CPAMD8: variants seen among roughly 807,000 people sequenced by gnomAD.
CPAMD8 encodes C3 and PZP like alpha-2-macroglobulin domain containing 8, also known as C3 and PZP-like alpha-2-macroglobulin domain-containing protein 8.
A neutral mutation model predicts 224.7 loss-of-function variants in CPAMD8; 146 were observed. That is an observed-to-expected ratio of 0.65 (90% CI 0.57 to 0.75). The LOEUF (loss-of-function observed/expected upper bound fraction) is 0.75. Among genes scored for constraint, CPAMD8 ranks in the 30% least tolerant of loss-of-function variants. The pLI, the probability that CPAMD8 is intolerant of heterozygous loss-of-function variation, is 0.00. For synonymous variants in CPAMD8, 966 were observed against 1,044.6 expected (o/e 0.92, Z 1.45); for missense variants, 2,301 against 2,537.5 (o/e 0.91, Z 2.00).
Position 16,938,413 on chromosome 19 carries a change from C to T in CPAMD8, c.2827G>A (p.Ala943Thr), listed in dbSNP as rs201232005. The T allele has an allele frequency of 7.6e-5, 120 of 1,571,104 alleles. No homozygotes were observed. The highest frequency in any genetic ancestry group is 3.7e-4 in the Admixed American group (19 of 51,820). ...GACTCACCACTGGGACAGAAGAATG[C>T]GCTGTAGGTGTACGCCCGGGGGACT... ...EGVPRAYTYSAFFCPSERVHI... is the reference protein window; with the variant it reads ...EGVPRAYTYSTFFCPSERVHI... The change falls in exon 23 of 42, where the codon GCA becomes ACA. Residue 943 changes from alanine to threonine, a missense_variant. By Grantham distance (58) the Ala-to-Thr change is moderately conservative. Transcript: ENST00000443236.
intron 34 of CPAMD8, 45 bp downstream of exon 34, chr19:16,903,516 C>T (rs2052343932): frequency 1.2e-6 from 2 of 1,612,396 alleles, no homozygotes; most frequent in African/African-American, 1.3e-5. Context: ...GAATGGGGCA[C>T]AGGAGGACAA....
Position 16,996,732 on chromosome 19 carries a change from T to C in CPAMD8, c.1095+379A>G, listed in dbSNP as rs551926305. Among the ~76,000 whole-genome samples the C allele has an allele frequency of 1.3e-4, 19 of 146,840 alleles. No homozygotes were observed. In the South Asian group the frequency reaches 3.8e-3, roughly 29 times the overall value. On this transcript the variant is annotated intron_variant, in intron 11 of 41. Coordinates refer to ENST00000443236, the MANE Select transcript of CPAMD8 (RefSeq NM_015692.5). ...TACTTGGGAGGCTGAGGCAGGAGAA[T>C]CACTTGAACCTGGGAGACGGAGGTT...
Position 16,938,383 on chromosome 19 carries a change from C to A in CPAMD8, c.2845+12G>T, listed in dbSNP as rs367985156. The stretch of plus-strand genomic sequence containing the variant: ...TGGCCACACCTTAGCAGAATGGGCA[C>A]GGGGGACTCACCACTGGGACAGAAG... On this transcript the variant is annotated intron_variant, in intron 23 of 41. Transcript: ENST00000443236. The A allele has an allele frequency of 3.3e-6, 5 of 1,523,000 alleles. No individual in the cohort carries two copies. The highest frequency in any genetic ancestry group is 3.4e-4 in the Middle Eastern group (2 of 5,846). 94.3% of individuals were successfully genotyped at this position (1,523,000 alleles called of 1,614,324 possible). A position where few individuals can be genotyped will look rare whatever the true frequency, so the allele number is the denominator to read the frequency against.
intron 26 of CPAMD8, among the ~76,000 whole-genome samples, chr19:16,924,733 A>G (rs965694323): frequency 6.6e-6 from 1 of 152,088 alleles, no homozygotes; most frequent in African/African-American, 2.4e-5. Flanking sequence ...GGGGTGTGCC[A>G]CCATGTCTGG....
At chr19:16,917,881 T>C (rs993574006) in intron 27 of CPAMD8, among the ~76,000 whole-genome samples, 2 of 152,216 alleles carry the variant, frequency 1.3e-5, no homozygotes, top group African/African-American at 4.8e-5. Flanking sequence ...TTGGTATCTG[T>C]AGGGGACTGG....
chr19:17,024,054 G>A (rs1168763520), intron 1 of CPAMD8, among the ~76,000 whole-genome samples: 1 of 152,184 alleles, frequency 6.6e-6, no homozygotes, highest in Non-Finnish European at 1.5e-5. Context: ...TGCATGCTTA[G>A]ATTAGGCAAA....
At chr19:16,980,088 G>A (rs768941326) in intron 14 of CPAMD8, among the ~76,000 whole-genome samples, 2 of 152,130 alleles carry the variant, frequency 1.3e-5, no homozygotes, top group Non-Finnish European at 2.9e-5. Flanking sequence ...GTATTGAGAA[G>A]AAGAGCTTTG....
At chr19:17,011,022 C>T (rs2056630313) in intron 5 of CPAMD8, among the ~76,000 whole-genome samples, 1 of 141,186 alleles carries the variant, frequency 7.1e-6, no homozygotes, top group Admixed American at 7.1e-5. Flanking sequence ...GACTCCATCT[C>T]AAAAAAAAAA....
In CPAMD8 at chr19:16,898,062, G is replaced by A; in HGVS notation, c.4849-68C>T. On this transcript the variant is annotated intron_variant, in intron 37 of 41. Coordinates refer to ENST00000443236, the MANE Select transcript of CPAMD8 (RefSeq NM_015692.5). This position sits in a 1 kb window ranked among gnomAD's most constrained non-coding sequence, Gnocchi z 4.2. Reference sequence around the variant, plus strand: ...GCCCGGGGCGCTGAGCTCAGGCCCAGAACTGGCTGATTTCAGGGATACCCA... The same window carrying A: ...GCCCGGGGCGCTGAGCTCAGGCCCAAAACTGGCTGATTTCAGGGATACCCA... The A allele has an allele frequency of 8.9e-7, 1 of 1,123,420 alleles. No homozygotes were observed. Among genetic ancestry groups the A allele is most frequent in the Non-Finnish European group, 1.3e-6 (1 of 781,762 alleles). 69.6% of individuals were successfully genotyped at this position (1,123,420 alleles called of 1,614,324 possible). A position where few individuals can be genotyped will look rare whatever the true frequency, so the allele number is the denominator to read the frequency against.
chr19:17,018,459 G>A (rs2056867363), intron 3 of CPAMD8, among the ~76,000 whole-genome samples: 1 of 152,158 alleles, frequency 6.6e-6, no homozygotes, highest in South Asian at 2.1e-4. Flanking sequence ...AAGACCCAGT[G>A]AGAGGCTTGG....
chr19:16,915,413 GC>G (rs2052911502), intron 27 of CPAMD8, among the ~76,000 whole-genome samples: 1 of 152,248 alleles, frequency 6.6e-6, no homozygotes, highest in East Asian at 1.9e-4. Context: ...AAAAAAACGA[GC>G]CCCAGTGCAC....
chr19:16,911,412 A>G (rs2052722891), intron 29 of CPAMD8, among the ~76,000 whole-genome samples: 1 of 149,110 alleles, frequency 6.7e-6, no homozygotes. Flanking sequence ...CCCAGGCTGG[A>G]GTGCAGTGGC....
At chr19:16,921,345 TCA>T (rs907213703) in intron 27 of CPAMD8, among the ~76,000 whole-genome samples, 16 of 151,914 alleles carry the variant, frequency 1.1e-4, no homozygotes, top group East Asian at 5.8e-4. Flanking sequence ...GGAAAGTGAC[TCA>T]CAGTCTCAGG....
At chr19:17,004,956 G>C (rs924467759) in intron 7 of CPAMD8, among the ~76,000 whole-genome samples, 2 of 150,334 alleles carry the variant, frequency 1.3e-5, no homozygotes, top group African/African-American at 2.5e-5. Flanking sequence ...GAGAGAGAGA[G>C]AGACAGACAG....
chr19:17,024,457 T>C (rs79562017), intron 1 of CPAMD8, among the ~76,000 whole-genome samples: 3,696 of 152,310 alleles, frequency 0.024, 126 homozygotes, highest in African/African-American at 0.083. Flanking sequence ...TGGCATCCTT[T>C]AAAAGGGGAA....
chr19:16,896,094 CGTCGGGGGAGGTT>C, intron 41 of CPAMD8, 69 bp downstream of exon 41: 1 of 1,399,856 alleles, frequency 7.1e-7, no homozygotes, highest in Non-Finnish European at 9.6e-7. Flanking sequence ...CGGGGCAGGT[CGTCGGGGGAGGTT>C]GGTAGGGGAG....
intron 17 of CPAMD8, among the ~76,000 whole-genome samples, chr19:16,973,778 A>G (rs1464464501): frequency 6.6e-6 from 1 of 151,114 alleles, no homozygotes; most frequent in African/African-American, 2.4e-5. Flanking sequence ...CTTTCTATCT[A>G]TATCACATCA....
At chr19:16,903,967 T>A in intron 32 of CPAMD8, 110 bp from the exon 33 acceptor site, 1 of 1,150,832 alleles carries the variant, frequency 8.7e-7, no homozygotes. Flanking sequence ...GGGGCTGGAA[T>A]AGAGACTGGA....
intron 8 of CPAMD8, among the ~76,000 whole-genome samples, chr19:17,004,052 C>T (rs1160377612): frequency 3.3e-5 from 5 of 151,840 alleles, no homozygotes; most frequent in South Asian, 2.1e-4. Flanking sequence ...ACCACAGGTG[C>T]GCGCCACCAC....
Sources: allele counts gnomAD v4.1 joint callset (sites outside exome capture counted in the v4.1 genomes callset), GRCh38; gene constraint gnomAD v4.1.1; non-coding constraint Gnocchi (gnomAD v3.1); transcripts MANE v1.5; gene names NCBI Gene and HGNC (gene_info 2026-07-23, HGNC 2026-07-21).